The following MACROD1 variants were observed in gnomAD, a reference collection of about 807,000 sequenced individuals.
The protein encoded by MACROD1 is mono-ADP ribosylhydrolase 1.
MACROD1 carries 31 observed loss-of-function variants against 41.4 expected under a neutral mutation model. The observed-to-expected ratio is 0.75, with a 90% CI of 0.56 to 1.01. MACROD1 has a LOEUF of 1.01. Among genes scored for constraint, MACROD1 ranks in the 50% least tolerant of loss-of-function variants. The pLI is 0.00. For missense variants in MACROD1, 473 were observed against 460.0 expected (o/e 1.03, Z -0.26); for synonymous variants, 252 against 203.4 (o/e 1.24, Z -2.03).
rs758359718 is a variant in MACROD1 at position 64,164,213 on chromosome 11, TAA to T, written c.298+1482_298+1483del. Among the ~76,000 whole-genome samples the T allele has an allele frequency of 3.9e-5, 6 of 152,278 alleles. No individual in the cohort carries two copies. The East Asian group carries it at 7.7e-4, about 20-fold the overall frequency. ...GCCTGACCACCTAGGGGGCGTTCAA[TAA>T]AAGTTTGCTGCATGATTGGAAATCC... On this transcript the variant is annotated intron_variant, in intron 1 of 10. Coordinates refer to ENST00000255681, the MANE Select transcript of MACROD1 (RefSeq NM_014067.4).
intron 3 of MACROD1, among the ~76,000 whole-genome samples, chr11:64,058,670 G>A (rs1462092354): frequency 6.6e-6 from 1 of 152,234 alleles, no homozygotes; most frequent in South Asian, 2.1e-4. Flanking sequence ...ACAGCTTCCC[G>A]CTCCACGCCG....
rs1360935484 is a variant in MACROD1, at chr11:64,122,172, T to C, written c.517+29067A>G. Reference sequence around the variant, plus strand: ...CTCAATTCCACAGACATGATGTGCATCAAAAGCTCCTTTTCTTCCCTTTTC... The same window carrying C: ...CTCAATTCCACAGACATGATGTGCACCAAAAGCTCCTTTTCTTCCCTTTTC... On this transcript the variant is annotated intron_variant, in intron 3 of 10. Transcript: ENST00000255681. The surrounding 1 kb of genome is among the most constrained non-coding windows in gnomAD (Gnocchi z 4.0). Among the ~76,000 whole-genome samples the C allele has an allele frequency of 3.9e-5, 6 of 152,226 alleles. No individual in the cohort carries two copies. The highest frequency in any genetic ancestry group is 1.4e-4 in the African/African-American group (6 of 41,460).
chr11:64,128,827 C>T (rs58632573), intron 3 of MACROD1, among the ~76,000 whole-genome samples: 25,008 of 152,126 alleles, frequency 0.16, 2,290 homozygotes, highest in Admixed American at 0.28. Context: ...GCCCTCCACA[C>T]CTCCAGATCC....
In MACROD1 at chr11:64,146,831, TCA is replaced by T. The variant is rs200452467; in HGVS notation, c.517+4406_517+4407del. 2.1e-5 allele frequency among the ~76,000 whole-genome samples: 3 copies of T among 145,744 alleles called. No homozygotes were observed. The highest frequency in any genetic ancestry group is 4.3e-4 in the South Asian group (2 of 4,604). On this transcript the variant is annotated intron_variant, in intron 3 of 10. Coordinates refer to ENST00000255681, the MANE Select transcript of MACROD1 (RefSeq NM_014067.4). The surrounding 1 kb of genome is among the most constrained non-coding windows in gnomAD (Gnocchi z 4.7). Reference sequence around the variant, plus strand: ...ACACACATAGGCCAAACTCCTGACCTCACACACACACTCTATCACACACACCC... The same window carrying T: ...ACACACATAGGCCAAACTCCTGACCTCACACACACTCTATCACACACACCC...
chr11:64,060,036 G>A (rs1249233411), intron 3 of MACROD1, among the ~76,000 whole-genome samples: 2 of 152,190 alleles, frequency 1.3e-5, no homozygotes, highest in Non-Finnish European at 2.9e-5. Context: ...ACGGCAGGGG[G>A]GAATGGCGAA....
At chr11:64,023,049 T>A (rs571171) in intron 3 of MACROD1, among the ~76,000 whole-genome samples, 75,343 of 151,300 alleles carry the variant, frequency 0.5, 19,138 homozygotes, top group South Asian at 0.62. Context: ...TTTAGTACAA[T>A]TGGGGTTTCA....
chr11:64,039,362 G>GC (rs941979558), intron 3 of MACROD1, among the ~76,000 whole-genome samples: 20 of 152,178 alleles, frequency 1.3e-4, no homozygotes, highest in African/African-American at 4.3e-4. Context: ...CAGGCCCCAG[G>GC]CCCTGGCTGC....
intron 3 of MACROD1, among the ~76,000 whole-genome samples, chr11:64,031,378 C>A (rs1943291458): frequency 6.6e-6 from 1 of 152,116 alleles, no homozygotes; most frequent in Non-Finnish European, 1.5e-5. Flanking sequence ...GAAGCCCCAG[C>A]CCTCTGTGTT....
rs1001536118 is a variant in MACROD1, at chr11:64,090,869, C to T, written c.517+60370G>A. Among the ~76,000 whole-genome samples the T allele has an allele frequency of 3.3e-5, 5 of 152,072 alleles. No homozygotes were observed. The highest frequency in any genetic ancestry group is 2.1e-4 in the South Asian group (1 of 4,812). ...TGCACTCCCAGGGAGCCCTGAGGGA[C>T]GAAGTAAAGCAGGAGAGGGCAGGGG... is the stretch of plus-strand genomic sequence containing the variant. On this transcript the variant is annotated intron_variant, in intron 3 of 10. Transcript: ENST00000255681. The surrounding 1 kb of genome is among the most constrained non-coding windows in gnomAD (Gnocchi z 4.7).
chr11:64,099,447 G>A (rs1944632926), intron 3 of MACROD1, among the ~76,000 whole-genome samples: 1 of 152,236 alleles, frequency 6.6e-6, no homozygotes, highest in African/African-American at 2.4e-5. Context: ...TGGAAAGATG[G>A]AGAAATGGAT....
chr11:64,131,199 T>C (rs1945260347), intron 3 of MACROD1, among the ~76,000 whole-genome samples: 2 of 152,190 alleles, frequency 1.3e-5, no homozygotes, highest in South Asian at 4.1e-4. Flanking sequence ...GCCAGCTGCC[T>C]GAAGCGGGTG....
chr11:64,076,256 C>T (rs1944198322), intron 3 of MACROD1, among the ~76,000 whole-genome samples: 1 of 152,208 alleles, frequency 6.6e-6, no homozygotes, highest in Non-Finnish European at 1.5e-5. Flanking sequence ...CCAGCCCTCA[C>T]CAGGTGCCCC....
intron 4 of MACROD1, among the ~76,000 whole-genome samples, chr11:64,005,941 C>T (rs1406361205): frequency 2.6e-5 from 4 of 152,212 alleles, no homozygotes; most frequent in Non-Finnish European, 4.4e-5. Context: ...CCCGCCTGGA[C>T]GGGCTGGGCA....
In MACROD1 at chr11:64,000,062, G is replaced by A. The variant is rs1318627979; in HGVS notation, c.664+165C>T. 11 of 643,056 alleles carry A rather than the reference G, an allele frequency of 1.7e-5. No homozygotes were observed. In the Admixed American group the frequency reaches 2.9e-4, roughly 17 times the overall value. The allele number at this position is 643,056 out of a possible 1,614,324, so 39.8% of individuals were successfully genotyped here. On this transcript the variant is annotated intron_variant, in intron 5 of 10. Coordinates refer to ENST00000255681, the MANE Select transcript of MACROD1 (RefSeq NM_014067.4). ...CCTCCACGCACGGTCTCCCCCATGT[G>A]CTTCCTGGGGTGTGCGGGGTGGGGG...
chr11:64,164,107 G>A (rs1338303579), intron 1 of MACROD1, among the ~76,000 whole-genome samples: 3 of 152,220 alleles, frequency 2.0e-5, no homozygotes, highest in African/African-American at 7.2e-5. Context: ...CTTTACAATA[G>A]ATGCTTTGTA....
intron 3 of MACROD1, among the ~76,000 whole-genome samples, chr11:64,052,258 G>GA (rs999936249): frequency 6.6e-6 from 1 of 151,538 alleles, no homozygotes; most frequent in Non-Finnish European, 1.5e-5. Flanking sequence ...CGGGGTGGGG[G>GA]AAAAAAAACA....
chr11:64,064,627 T>C lies in MACROD1; in HGVS notation c.518-49346A>G, dbSNP rs76389328. Among the ~76,000 whole-genome samples the C allele has an allele frequency of 0.012, 1,775 of 150,344 alleles. 41 individuals carry two copies. The highest frequency in any genetic ancestry group is 0.041 in the African/African-American group (1,680 of 41,136). On this transcript the variant is annotated intron_variant, in intron 3 of 10. Transcript: ENST00000255681. The surrounding 1 kb of genome is among the most constrained non-coding windows in gnomAD (Gnocchi z 4.5). The stretch of plus-strand genomic sequence containing the variant: ...AAACCCAGAATGTATCCTGACAGCA[T>C]TGGAACAGGATGCAGAGTAGGGGCC...
chr11:64,164,837 C>G (rs980957919), intron 1 of MACROD1, among the ~76,000 whole-genome samples: 1 of 152,186 alleles, frequency 6.6e-6, no homozygotes, highest in African/African-American at 2.4e-5. Context: ...TCCCAGGAGG[C>G]AGGCCCTGAA....
intron 3 of MACROD1, among the ~76,000 whole-genome samples, chr11:64,098,395 T>C (rs572382544): frequency 6.6e-6 from 1 of 152,278 alleles, no homozygotes; most frequent in South Asian, 2.1e-4. Flanking sequence ...CAGCCTGAAA[T>C]GTTCTTCCCG....
Sources: gnomAD v4.1 joint callset for allele counts (sites outside exome capture counted in the v4.1 genomes callset) on GRCh38, gnomAD v4.1.1 for gene constraint, Gnocchi (gnomAD v3.1) non-coding constraint, MANE v1.5 for transcripts, NCBI Gene and HGNC (gene_info 2026-07-23, HGNC 2026-07-21) for gene names.